The following MSI2 variants were observed in gnomAD, a reference collection of about 807,000 sequenced individuals.
MSI2 encodes the protein RNA-binding protein Musashi homolog 2.
A neutral mutation model predicts 45.6 loss-of-function variants in MSI2; 17 were observed. The ratio of observed to expected loss-of-function variants is 0.37; its 90% CI spans 0.26 to 0.56. MSI2 has a LOEUF of 0.56. Among genes scored for constraint, MSI2 ranks in the 20% least tolerant of loss-of-function variants. The pLI, the probability that MSI2 is intolerant of heterozygous loss-of-function variation, is 0.77. For synonymous variants in MSI2, 156 were observed against 158.2 expected, an observed-to-expected ratio of 0.99 and a Z score of 0.11; for missense variants, 293 against 444.2, an observed-to-expected ratio of 0.66 and a Z score of 3.06.
chr17:57,330,577 C>T (rs1567760978), intron 5 of MSI2, among the ~76,000 whole-genome samples: 1 of 152,126 alleles, frequency 6.6e-6, no homozygotes, highest in East Asian at 1.9e-4. Context: ...CTGTGTCCGG[C>T]CTCCTTTAAT....
chr17:57,353,607 TGTA>T (rs1463198572), intron 5 of MSI2, among the ~76,000 whole-genome samples: 1 of 152,200 alleles, frequency 6.6e-6, no homozygotes, highest in African/African-American at 2.4e-5. Context: ...CCATTTCTCT[TGTA>T]GGAGCATTTG....
chr17:57,342,611 CTT>C (rs947741600), intron 5 of MSI2, among the ~76,000 whole-genome samples: 11 of 152,302 alleles, frequency 7.2e-5, no homozygotes, highest in African/African-American at 2.4e-4. Context: ...GCAGAAATCA[CTT>C]TGTCAGCTCA....
intron 10 of MSI2, among the ~76,000 whole-genome samples, chr17:57,639,376 AGAGACTGTCCTAGTACTTGGGCT>A (rs1016751259): frequency 1.9e-4 from 29 of 152,348 alleles, no homozygotes; most frequent in African/African-American, 6.7e-4. Context: ...CCATCTGGGC[AGAGACTGTCCTAGTACTTGGGCT>A]GAGACAGCTG....
intron 6 of MSI2, among the ~76,000 whole-genome samples, chr17:57,521,430 GT>G (rs1460502226): frequency 6.6e-6 from 1 of 152,066 alleles, no homozygotes; most frequent in African/African-American, 2.4e-5. Flanking sequence ...AAAAACAATG[GT>G]TTTGTTAGGT....
intron 5 of MSI2, among the ~76,000 whole-genome samples, chr17:57,355,898 A>G (rs1293263121): frequency 6.6e-6 from 1 of 152,140 alleles, no homozygotes; most frequent in Non-Finnish European, 1.5e-5. Context: ...CCAGGCTAGG[A>G]CATGGGCTAT....
At chr17:57,550,984 T>C (rs2144184845) in intron 7 of MSI2, among the ~76,000 whole-genome samples, 1 of 152,306 alleles carries the variant, frequency 6.6e-6, no homozygotes, top group South Asian at 2.1e-4. Flanking sequence ...GGATGGGTGC[T>C]CTCTGGAGAT....
At chr17:57,433,535 C>G (rs76912960) in intron 6 of MSI2, among the ~76,000 whole-genome samples, 1,798 of 152,248 alleles carry the variant, frequency 0.012, 41 homozygotes, top group African/African-American at 0.042. Flanking sequence ...TCTAGAACTG[C>G]GAGACGTAAA....
intron 5 of MSI2, among the ~76,000 whole-genome samples, chr17:57,332,733 G>A (rs1016407864): frequency 3.3e-5 from 5 of 152,190 alleles, no homozygotes; most frequent in Non-Finnish European, 7.3e-5. Flanking sequence ...GTATTTAAGA[G>A]TATGGATGCA....
chr17:57,420,330 T>G (rs1227096540), intron 6 of MSI2, among the ~76,000 whole-genome samples: 1 of 152,208 alleles, frequency 6.6e-6, no homozygotes. Context: ...GCTCTCACGA[T>G]TTTTATTTGT....
At chr17:57,486,746 T>G (rs189625332) in intron 6 of MSI2, among the ~76,000 whole-genome samples, 4 of 152,190 alleles carry the variant, frequency 2.6e-5, no homozygotes, top group South Asian at 2.1e-4. Flanking sequence ...AGAATCAGTT[T>G]GAAAGAGCTC....
In MSI2 at chr17:57,627,320, C is replaced by T. The variant is rs1212939486; in HGVS notation, c.727+17C>T. The T allele has an allele frequency of 1.2e-6, 2 of 1,613,254 alleles. No homozygotes were observed. The highest frequency in any genetic ancestry group is 1.6e-4 in the Middle Eastern group (1 of 6,084). The stretch of plus-strand genomic sequence containing the variant: ...AGTTCCCAGGTGAGTGGCTTGGTCT[C>T]CCAGGGCTTTGGAAGCACAAGAGGT... On this transcript the variant is annotated intron_variant, in intron 10 of 13. Coordinates refer to ENST00000284073, the MANE Select transcript of MSI2 (RefSeq NM_138962.4). The surrounding 1 kb of genome is among the most constrained non-coding windows in gnomAD (Gnocchi z 4.6).
chr17:57,597,297 T>C (rs1424010171), intron 8 of MSI2, among the ~76,000 whole-genome samples: 1 of 151,796 alleles, frequency 6.6e-6, no homozygotes, highest in Admixed American at 6.6e-5. Flanking sequence ...CTTATGTAAT[T>C]TTCACAGATC....
intron 10 of MSI2, among the ~76,000 whole-genome samples, chr17:57,641,493 CA>C (rs1359065164): frequency 6.6e-6 from 1 of 152,054 alleles, no homozygotes; most frequent in African/African-American, 2.4e-5. Flanking sequence ...TGGAAGGAAG[CA>C]AAACTGTGAC....
At chr17:57,619,758 C>G (rs1327244661) in intron 9 of MSI2, among the ~76,000 whole-genome samples, 4 of 152,144 alleles carry the variant, frequency 2.6e-5, no homozygotes, top group Non-Finnish European at 5.9e-5. Flanking sequence ...CTGAACAGCG[C>G]CTGCTCGCTG....
chr17:57,390,340 C>A (rs2083767064), intron 5 of MSI2, among the ~76,000 whole-genome samples: 1 of 152,174 alleles, frequency 6.6e-6, no homozygotes, highest in South Asian at 2.1e-4. Context: ...GCCCTGGCTG[C>A]ATATTAGAAT....
chr17:57,407,768 C>T lies in MSI2; in HGVS notation c.405+6297C>T, dbSNP rs1366160715. Among the ~76,000 whole-genome samples, 2 of 152,208 alleles carry T rather than the reference C, an allele frequency of 1.3e-5. No individual in the cohort carries two copies. Among genetic ancestry groups the T allele is most frequent in the Non-Finnish European group, 2.9e-5 (2 of 68,048 alleles). On this transcript the variant is annotated intron_variant, in intron 6 of 13. Transcript: ENST00000284073. The surrounding 1 kb of genome is among the most constrained non-coding windows in gnomAD (Gnocchi z 4.1). ...CACGCTCTTCCCTGGCTGAAGGCTA[C>T]TTTTGTGTTTAAATTTTCTTCCTCT...
At chr17:57,591,729 CAAA>C (rs60682470) in intron 7 of MSI2, among the ~76,000 whole-genome samples, 13 of 69,450 alleles carry the variant, frequency 1.9e-4, no homozygotes, top group Non-Finnish European at 1.9e-4. Context: ...AACCCTGTCT[CAAA>C]AAAAAAAAAA....
chr17:57,380,815 C>T lies in MSI2; in HGVS notation c.313-20564C>T, dbSNP rs117433852. 1.1e-4 allele frequency among the ~76,000 whole-genome samples: 17 copies of T among 152,306 alleles called. No homozygotes were observed. The East Asian group carries it at 3.3e-3, about 29-fold the overall frequency. On this transcript the variant is annotated intron_variant, in intron 5 of 13. Coordinates refer to ENST00000284073, the MANE Select transcript of MSI2 (RefSeq NM_138962.4). Reference sequence around the variant, plus strand: ...CCTGACACCACCAGGTGTGTACCTTCTCTCACTTCTGTGTGTGCTGATGTC... The same window carrying T: ...CCTGACACCACCAGGTGTGTACCTTTTCTCACTTCTGTGTGTGCTGATGTC...
the MSI2 span, among the ~76,000 whole-genome samples, chr17:57,701,024 C>T: frequency 6.6e-6 from 1 of 152,316 alleles, no homozygotes; most frequent in East Asian, 1.9e-4. Flanking sequence ...TGAGAATTGT[C>T]CTCCCCGGAA....
Sources: allele counts gnomAD v4.1 joint callset (sites outside exome capture counted in the v4.1 genomes callset), GRCh38; gene constraint gnomAD v4.1.1; non-coding constraint Gnocchi (gnomAD v3.1); transcripts MANE v1.5; gene names NCBI Gene and HGNC (gene_info 2026-07-23, HGNC 2026-07-21).